Variants in RERG observed in about 807,000 individuals in gnomAD.
RERG encodes RAS like estrogen regulated growth inhibitor.
In RERG, 25 loss-of-function variants were observed where a neutral mutation model predicts 23.2. The observed-to-expected ratio is 1.08, with a 90% CI of 0.79 to 1.50. The LOEUF is 1.50. Among genes scored for constraint, RERG ranks in the 40% most tolerant of loss-of-function variants. RERG has a pLI of 0.00. For missense variants in RERG, 253 were observed against 250.1 expected (o/e 1.01, Z -0.08); for synonymous variants, 81 against 89.1 (o/e 0.91, Z 0.51).
intron 2 of RERG, among the ~76,000 whole-genome samples, chr12:15,174,064 T>G (rs1225296973): frequency 6.6e-6 from 1 of 152,078 alleles, no homozygotes; most frequent in Non-Finnish European, 1.5e-5. Context: ...CTTTCAATTC[T>G]GTATGAAGGA....
intron 2 of RERG, among the ~76,000 whole-genome samples, chr12:15,195,845 C>A (rs1591666297): frequency 6.6e-6 from 1 of 152,044 alleles, no homozygotes; most frequent in African/African-American, 2.4e-5. Context: ...ATTAATATCT[C>A]CAATTCATGA....
At position 15,126,724 on chromosome 12, in the gene RERG, C is replaced by CTT. The variant is rs71042228; in HGVS notation, c.62-5607_62-5606dup. Among the ~76,000 whole-genome samples the CTT allele has an allele frequency of 2.8e-3, 367 of 132,444 alleles. 22 individuals are homozygous for CTT. The South Asian group carries it at 0.052, about 19-fold the overall frequency. 86.9% of individuals were successfully genotyped at this position (132,444 alleles called of 152,430 possible). A position where few individuals can be genotyped will look rare whatever the true frequency, so the allele number is the denominator to read the frequency against. ...ATAGCATTTCTTTTTCTTTTTCTTT[C>CTT]TTTTTTTTTTTTTTTTGAGACAGAG... On this transcript the variant is annotated intron_variant, in intron 2 of 4. Coordinates refer to ENST00000256953, the MANE Select transcript of RERG (RefSeq NM_032918.3).
chr12:15,110,455 A>ATTTTTTTCT (rs1863585610), intron 4 of RERG, among the ~76,000 whole-genome samples: 1 of 59,326 alleles, frequency 1.7e-5, no homozygotes, highest in Non-Finnish European at 3.6e-5. Flanking sequence ...TCCAGTGGCC[A>ATTTTTTTCT]TTTTTTTCTT....
intron 2 of RERG, among the ~76,000 whole-genome samples, chr12:15,183,308 A>G (rs1864949893): frequency 6.6e-6 from 1 of 152,160 alleles, no homozygotes; most frequent in African/African-American, 2.4e-5. Context: ...GTGGGCAAAC[A>G]TATAATAATC....
chr12:15,166,897 T>TTGTGCAGGTTAGTTACATATG (rs1864703156), intron 2 of RERG, among the ~76,000 whole-genome samples: 1 of 152,054 alleles, frequency 6.6e-6, no homozygotes, highest in Admixed American at 6.5e-5. Flanking sequence ...CATGTGCACA[T>TTGTGCAGGTTAGTTACATATG]TGTGCAGGTT....
chr12:15,213,993 A>AGTGTGT (rs1450378236), intron 2 of RERG, among the ~76,000 whole-genome samples: 2 of 89,326 alleles, frequency 2.2e-5, no homozygotes, highest in Non-Finnish European at 5.0e-5. Context: ...AAACAGAGAA[A>AGTGTGT]GTATGTGTGT....
chr12:15,134,765 C>G (rs757095618), intron 2 of RERG, among the ~76,000 whole-genome samples: 1 of 152,066 alleles, frequency 6.6e-6, no homozygotes, highest in Non-Finnish European at 1.5e-5. Context: ...TAAGCATGCA[C>G]CACCATGCCC....
chr12:15,129,031 A>T (rs1220470973), intron 2 of RERG, among the ~76,000 whole-genome samples: 1 of 152,130 alleles, frequency 6.6e-6, no homozygotes, highest in East Asian at 1.9e-4. Context: ...AATATGGGTC[A>T]TTGTGCCTCA....
chr12:15,206,687 A>G (rs1222457099), intron 2 of RERG, among the ~76,000 whole-genome samples: 1 of 152,142 alleles, frequency 6.6e-6, no homozygotes, highest in East Asian at 1.9e-4. Context: ...ATCAACTGCT[A>G]TAACCCAATA....
intron 2 of RERG, among the ~76,000 whole-genome samples, chr12:15,132,958 T>C (rs886519178): frequency 4.0e-5 from 6 of 151,148 alleles, no homozygotes; most frequent in Non-Finnish European, 7.4e-5. Context: ...AGAGTTTCCA[T>C]ATACTCCCTG....
intron 2 of RERG, among the ~76,000 whole-genome samples, chr12:15,183,442 A>G (rs188206342): frequency 1.3e-5 from 2 of 152,266 alleles, no homozygotes; most frequent in Admixed American, 6.5e-5. Flanking sequence ...TTCCTGAAAT[A>G]TATATTAATA....
chr12:15,168,695 G>A (rs952279005), intron 2 of RERG, among the ~76,000 whole-genome samples: 1 of 152,146 alleles, frequency 6.6e-6, no homozygotes, highest in Non-Finnish European at 1.5e-5. Context: ...GAAGACTGAT[G>A]AGAAATGATG....
chr12:15,130,914 T>C (rs1034672764), intron 2 of RERG, among the ~76,000 whole-genome samples: 2 of 152,026 alleles, frequency 1.3e-5, no homozygotes, highest in African/African-American at 4.8e-5. Flanking sequence ...GTCTGGAAAA[T>C]TGACTTTTTT....
chr12:15,151,107 G>C (rs1864434266), intron 2 of RERG, among the ~76,000 whole-genome samples: 1 of 152,140 alleles, frequency 6.6e-6, no homozygotes, highest in Admixed American at 6.5e-5. Context: ...TACCTCCGTA[G>C]GCTACATCCA....
intron 2 of RERG, among the ~76,000 whole-genome samples, chr12:15,129,809 G>A (rs1007371258): frequency 6.6e-6 from 1 of 152,056 alleles, no homozygotes; most frequent in Admixed American, 6.6e-5. Flanking sequence ...GTCACACTAA[G>A]GAGCTTGGAT....
chr12:15,184,143 T>C (rs1365432401), intron 2 of RERG, among the ~76,000 whole-genome samples: 2 of 141,680 alleles, frequency 1.4e-5, no homozygotes, highest in Non-Finnish European at 3.2e-5. Flanking sequence ...TTTATGTCCA[T>C]ATCCTCGTCT....
chr12:15,184,266 AAT>A (rs1304905452), intron 2 of RERG, among the ~76,000 whole-genome samples: 2 of 152,234 alleles, frequency 1.3e-5, no homozygotes, highest in African/African-American at 4.8e-5. Flanking sequence ...TAATGTGAAT[AAT>A]ATATTAATAC....
rs115747876 is a variant in RERG, at chr12:15,149,830, A to C, written c.62-28711T>G. ...CTTTAAAGAAAAGTTGTTTCTGTTCATAAATGGTGTCTAGGACCAGCCTAC... is the reference window on the plus strand; with the variant it reads ...CTTTAAAGAAAAGTTGTTTCTGTTCCTAAATGGTGTCTAGGACCAGCCTAC... On this transcript the variant is annotated intron_variant, in intron 2 of 4. Coordinates refer to ENST00000256953, the MANE Select transcript of RERG (RefSeq NM_032918.3). 8.8e-3 allele frequency among the ~76,000 whole-genome samples: 1,335 copies of C among 152,352 alleles called. 16 individuals carry two copies. Among genetic ancestry groups the C allele is most frequent in the African/African-American group, 0.03 (1,260 of 41,582 alleles).
chr12:15,147,908 T>C (rs1020105122), intron 2 of RERG, among the ~76,000 whole-genome samples: 2 of 152,230 alleles, frequency 1.3e-5, no homozygotes, highest in Admixed American at 1.3e-4. Flanking sequence ...GTAAAACATA[T>C]ATCAGATTCT....
Sources: gnomAD v4.1 joint callset for allele counts (sites outside exome capture counted in the v4.1 genomes callset) on GRCh38, gnomAD v4.1.1 for gene constraint, MANE v1.5 for transcripts, NCBI Gene and HGNC (gene_info 2026-07-23, HGNC 2026-07-21) for gene names.